SLC24A2: variants seen among roughly 807,000 people sequenced by gnomAD.
SLC24A2 encodes the protein sodium/potassium/calcium exchanger 2.
A neutral mutation model predicts 62.0 loss-of-function variants in SLC24A2; 36 were observed. The observed-to-expected ratio is 0.58, with a 90% CI of 0.44 to 0.77. The LOEUF (loss-of-function observed/expected upper bound fraction) is 0.77. Ranked by LOEUF, SLC24A2 falls within the 30% of genes least tolerant of loss-of-function variation. The pLI is 0.00. For missense variants in SLC24A2, 846 were observed against 817.9 expected (o/e 1.03, Z -0.42); for synonymous variants, 358 against 294.0 (o/e 1.22, Z -2.23).
chr9:20,262,266 G>C, the SLC24A2 span, among the ~76,000 whole-genome samples: 3 of 152,162 alleles, frequency 2.0e-5, no homozygotes, highest in Non-Finnish European at 2.9e-5. Flanking sequence ...AACATGGTTT[G>C]AATCTTTGTT....
chr9:19,615,996 A>ACG (rs1817758391), intron 4 of SLC24A2, among the ~76,000 whole-genome samples: 1 of 11,364 alleles, frequency 8.8e-5, no homozygotes, highest in African/African-American at 1.7e-4. Flanking sequence ...ACAGGCGTGC[A>ACG]CACACACACA....
At chr9:20,187,515 C>T in the SLC24A2 span, among the ~76,000 whole-genome samples, 1 of 152,308 alleles carries the variant, frequency 6.6e-6, no homozygotes, top group South Asian at 2.1e-4. Flanking sequence ...CTCTATTCTT[C>T]AGCTCTCAGC....
intron 3 of SLC24A2, among the ~76,000 whole-genome samples, chr9:19,621,090 C>T (rs1174669662): frequency 2.0e-5 from 3 of 152,240 alleles, no homozygotes; most frequent in East Asian, 3.8e-4. Context: ...ACTTGATTAA[C>T]TTGGGCAGTG....
At chr9:20,261,201 C>T in the SLC24A2 span, among the ~76,000 whole-genome samples, 1 of 152,108 alleles carries the variant, frequency 6.6e-6, no homozygotes, top group African/African-American at 2.4e-5. Context: ...AGCTTAGCAA[C>T]CACATATGAC....
chr9:19,909,799 C>CA, the SLC24A2 span, among the ~76,000 whole-genome samples: 1 of 151,860 alleles, frequency 6.6e-6, no homozygotes, highest in Non-Finnish European at 1.5e-5. Context: ...GCTTTCAGCT[C>CA]AAAAAAACGG....
At chr9:20,205,439 G>A in the SLC24A2 span, among the ~76,000 whole-genome samples, 1 of 151,918 alleles carries the variant, frequency 6.6e-6, no homozygotes, top group Non-Finnish European at 1.5e-5. Context: ...ACAAGGTCAG[G>A]AGATCGAGAC....
At chr9:20,288,523 T>C in the SLC24A2 span, among the ~76,000 whole-genome samples, 15 of 151,970 alleles carry the variant, frequency 9.9e-5, no homozygotes, top group African/African-American at 3.4e-4. Flanking sequence ...AATCCCAACA[T>C]CTTGGGAGGC....
the SLC24A2 span, among the ~76,000 whole-genome samples, chr9:20,005,783 G>A: frequency 2.0e-5 from 3 of 151,248 alleles, no homozygotes; most frequent in Admixed American, 2.0e-4. Flanking sequence ...ATTTAACCAG[G>A]TGCTAAAGAG....
At chr9:19,976,363 A>G in the SLC24A2 span, among the ~76,000 whole-genome samples, 2 of 152,140 alleles carry the variant, frequency 1.3e-5, no homozygotes, top group African/African-American at 4.8e-5. Flanking sequence ...GCCCCTTGCT[A>G]TTCTTATGAT....
chr9:20,002,562 C>T, the SLC24A2 span, among the ~76,000 whole-genome samples: 1 of 152,084 alleles, frequency 6.6e-6, no homozygotes, highest in Non-Finnish European at 1.5e-5. Context: ...AGATAACATA[C>T]TTCAATGTCC....
chr9:20,214,611 T>C, the SLC24A2 span, among the ~76,000 whole-genome samples: 1 of 139,110 alleles, frequency 7.2e-6, no homozygotes, highest in Non-Finnish European at 1.6e-5. Context: ...TGAGACTCTG[T>C]CTCAAAAAAA....
intron 2 of SLC24A2, among the ~76,000 whole-genome samples, chr9:19,643,034 C>T (rs557379615): frequency 3.5e-5 from 5 of 141,736 alleles, no homozygotes; most frequent in South Asian, 2.2e-4. Context: ...ATTCATCAAT[C>T]GTCTGCCTTA....
chr9:19,922,612 G>T, the SLC24A2 span, among the ~76,000 whole-genome samples: 1 of 152,182 alleles, frequency 6.6e-6, no homozygotes, highest in South Asian at 2.1e-4. Context: ...AGTAACCTCT[G>T]CCTGCTTCAC....
At chr9:20,226,292 C>T in the SLC24A2 span, among the ~76,000 whole-genome samples, 2 of 152,132 alleles carry the variant, frequency 1.3e-5, no homozygotes, top group Non-Finnish European at 2.9e-5. Flanking sequence ...TCTTCCAGCT[C>T]ATTTTGGCTT....
At chr9:19,707,599 C>T (rs949451494) in intron 2 of SLC24A2, among the ~76,000 whole-genome samples, 3 of 152,344 alleles carry the variant, frequency 2.0e-5, no homozygotes, top group Non-Finnish European at 2.9e-5. Context: ...ACTGGTTCAA[C>T]ATACGAAAAT....
intron 2 of SLC24A2, among the ~76,000 whole-genome samples, chr9:19,777,046 A>G (rs1027657533): frequency 6.6e-6 from 1 of 152,224 alleles, no homozygotes; most frequent in African/African-American, 2.4e-5. Flanking sequence ...CCATTAAAAC[A>G]AAAACAAAAA....
the SLC24A2 span, among the ~76,000 whole-genome samples, chr9:20,027,903 C>A: frequency 6.6e-6 from 1 of 151,854 alleles, no homozygotes; most frequent in Non-Finnish European, 1.5e-5. Flanking sequence ...TAAAAACATA[C>A]AATGTCAATT....
chr9:19,873,910 G>A, the SLC24A2 span, among the ~76,000 whole-genome samples: 1 of 151,972 alleles, frequency 6.6e-6, no homozygotes, highest in Non-Finnish European at 1.5e-5. Flanking sequence ...ACACTTATTG[G>A]CTGCTTTAAT....
At chr9:19,719,705 G>T (rs1215893614) in intron 2 of SLC24A2, among the ~76,000 whole-genome samples, 1 of 152,178 alleles carries the variant, frequency 6.6e-6, no homozygotes, top group Non-Finnish European at 1.5e-5. Context: ...CAAGTTCACT[G>T]ATTAAATAAA....
Sources: gnomAD v4.1 joint callset for allele counts (sites outside exome capture counted in the v4.1 genomes callset) on GRCh38, gnomAD v4.1.1 for gene constraint, MANE v1.5 for transcripts, NCBI Gene and HGNC (gene_info 2026-07-23, HGNC 2026-07-21) for gene names.